The following TRIM36 variants were observed in gnomAD, a reference collection of about 807,000 sequenced individuals.
TRIM36 encodes tripartite motif containing 36.
A neutral mutation model predicts 72.4 loss-of-function variants in TRIM36; 42 were observed. That is an observed-to-expected ratio of 0.58 (90% CI 0.45 to 0.75). TRIM36 has a LOEUF of 0.75. Among genes scored for constraint, TRIM36 ranks in the 30% least tolerant of loss-of-function variants. The pLI, the probability that TRIM36 is intolerant of heterozygous loss-of-function variation, is 0.00. For missense variants in TRIM36, 913 were observed against 857.1 expected, an observed-to-expected ratio of 1.07 and a Z score of -0.81; for synonymous variants, 315 against 282.8, an observed-to-expected ratio of 1.11 and a Z score of -1.14.
In TRIM36 at chr5:115,137,135, A is replaced by G; in HGVS notation, c.1086-11T>C. The G allele has an allele frequency of 6.4e-7, 1 of 1,562,204 alleles. No individual in the cohort carries two copies. On this transcript the variant is annotated splice_polypyrimidine_tract_variant and intron_variant, in intron 6 of 9. Transcript: ENST00000513154. ...GTGGCTTTCTGTATTCTGCAGACAG[A>G]TATTTTATATAAAAATGTTTCTTTA...
At chr5:115,166,153 A>G (rs1356421561) in intron 1 of TRIM36, among the ~76,000 whole-genome samples, 3 of 151,998 alleles carry the variant, frequency 2.0e-5, no homozygotes, top group African/African-American at 7.2e-5. Context: ...CTGAAACCCC[A>G]CCTTCAAGCC....
At chr5:115,164,574 A>AT (rs749873398) in intron 1 of TRIM36, among the ~76,000 whole-genome samples, 7 of 152,178 alleles carry the variant, frequency 4.6e-5, no homozygotes, top group Non-Finnish European at 8.8e-5. Flanking sequence ...TCTTATGAGA[A>AT]TTCGCTATCA....
chr5:115,128,446 AG>A (rs1479860917), intron 9 of TRIM36, among the ~76,000 whole-genome samples: 22 of 151,946 alleles, frequency 1.4e-4, no homozygotes, highest in African/African-American at 5.3e-4. Flanking sequence ...AGAGTTAAAA[AG>A]TTTTTTTAAA....
chr5:115,166,966 G>A (rs115451695), intron 1 of TRIM36, among the ~76,000 whole-genome samples: 1,998 of 152,256 alleles, frequency 0.013, 54 homozygotes, highest in African/African-American at 0.046. Context: ...CCCCGCGCTC[G>A]CTCACTCATG....
At chr5:115,131,040 C>T (rs1752649182) in intron 8 of TRIM36, 151 bp from the exon 9 acceptor site, 1 of 766,800 alleles carries the variant, frequency 1.3e-6, no homozygotes, top group African/African-American at 1.8e-5. Context: ...CAAACCAAAA[C>T]CCAACTTAGC....
intron 2 of TRIM36, among the ~76,000 whole-genome samples, chr5:115,152,393 G>A (rs1472268781): frequency 6.6e-6 from 1 of 152,134 alleles, no homozygotes; most frequent in African/African-American, 2.4e-5. Context: ...CCCACCCTAA[G>A]AATAATCAGT....
At chr5:115,129,381 G>A (rs576279061) in intron 9 of TRIM36, among the ~76,000 whole-genome samples, 1 of 152,186 alleles carries the variant, frequency 6.6e-6, no homozygotes, top group Admixed American at 6.5e-5. Context: ...TGACCAACAT[G>A]GAGAAACCCC....
chr5:115,126,600 T>C lies in TRIM36; in HGVS notation c.2054A>G (p.His685Arg), dbSNP rs145352884. 3.0e-5 allele frequency: 48 copies of C among 1,614,086 alleles called. No individual in the cohort carries two copies. The highest frequency in any genetic ancestry group is 4.0e-5 in the African/African-American group (3 of 74,934). ...TAATGCAAATGCTGGATACAGTGTA[T>C]GTGAACAGTCCACTTGGCGTTCATA... ...CLYERQVDCSHTLYPAFALMG... is the reference protein window; with the variant it reads ...CLYERQVDCSRTLYPAFALMG... Residue 685 changes from histidine (H) to arginine (R), a missense_variant, in exon 10 of 10, where the codon CAT becomes CGT. Coordinates refer to ENST00000513154, the MANE Select transcript of TRIM36 (RefSeq NM_001300759.2).
At chr5:115,145,591 A>G (rs1753547508) in intron 3 of TRIM36, among the ~76,000 whole-genome samples, 2 of 152,074 alleles carry the variant, frequency 1.3e-5, no homozygotes, top group African/African-American at 4.8e-5. Context: ...CAGTGGTGCA[A>G]TCTTGGCTCA....
chr5:115,176,964 A>G (rs975135949), intron 1 of TRIM36, among the ~76,000 whole-genome samples: 11 of 152,382 alleles, frequency 7.2e-5, no homozygotes, highest in Non-Finnish European at 1.5e-4. Flanking sequence ...AAAGGTCACA[A>G]TGGCAGATAT....
intron 1 of TRIM36, among the ~76,000 whole-genome samples, chr5:115,175,673 G>A (rs1321416369): frequency 7.2e-6 from 1 of 138,530 alleles, no homozygotes; most frequent in Non-Finnish European, 1.6e-5. Flanking sequence ...TATCTTTAGC[G>A]CAATATAGTA....
chr5:115,139,844 T>G (rs1352316407), intron 5 of TRIM36, among the ~76,000 whole-genome samples: 1 of 152,208 alleles, frequency 6.6e-6, no homozygotes, highest in East Asian at 1.9e-4. Context: ...ACATGAATAC[T>G]TGACACCTAA....
In TRIM36 at chr5:115,130,629, C is replaced by T; in HGVS notation, c.1759G>A (p.Glu587Lys). 1 of 1,614,176 alleles carries T rather than the reference C, an allele frequency of 6.2e-7. No homozygotes were observed. The change falls in exon 9 of 10, where the codon GAA becomes AAA. Residue 587 changes from glutamate (E) to lysine (K), a missense_variant. Glu to Lys is a moderately conservative substitution (Grantham distance 56, BLOSUM62 1). Transcript: ENST00000513154. ...GCATCCCGGGGAGAACGGAGCCATT[C>T]TTGTAGTTTATCGCTAGAAGCAACT... Reference protein sequence around the residue: ...VGVASSDKLQEWLRSPRDAVS... With the variant: ...VGVASSDKLQKWLRSPRDAVS...
rs1184827970 is a variant in TRIM36 at position 115,126,644 on chromosome 5, C to A, written c.2010G>T (p.Met670Ile). 11 of 1,613,994 alleles carry A rather than the reference C, an allele frequency of 6.8e-6. No homozygotes were observed. The highest frequency in any genetic ancestry group is 9.3e-6 in the Non-Finnish European group (11 of 1,180,014). ...GTTCATAAAGGCATTTCATCTGATCCATATCATAGAAATCTACTTTGCCTT... is the reference window on the plus strand; with the variant it reads ...GTTCATAAAGGCATTTCATCTGATCAATATCATAGAAATCTACTTTGCCTT... ...CDKGKVDFYD[M>I]DQMKCLYERQ... Residue 670 changes from methionine (M) to isoleucine (I), a missense_variant, in exon 10 of 10, where the codon ATG becomes ATT. Coordinates refer to ENST00000513154, the MANE Select transcript of TRIM36 (RefSeq NM_001300759.2).
chr5:115,165,723 G>T (rs1754731420), intron 1 of TRIM36, among the ~76,000 whole-genome samples: 1 of 152,124 alleles, frequency 6.6e-6, no homozygotes, highest in African/African-American at 2.4e-5. Context: ...GGTGCGGAGG[G>T]AGCCCCATGC....
chr5:115,142,257 C>G (rs1753318240), intron 4 of TRIM36, among the ~76,000 whole-genome samples: 4 of 152,038 alleles, frequency 2.6e-5, no homozygotes. Flanking sequence ...AAACACTATT[C>G]CACAGGCTGA....
intron 1 of TRIM36, among the ~76,000 whole-genome samples, chr5:115,176,568 T>C (rs1755349799): frequency 6.6e-6 from 1 of 152,218 alleles, no homozygotes; most frequent in Non-Finnish European, 1.5e-5. Context: ...CGAATGTACC[T>C]TCTGGCTATT....
intron 2 of TRIM36, among the ~76,000 whole-genome samples, chr5:115,158,806 A>T (rs1474997665): frequency 2.0e-5 from 3 of 152,238 alleles, no homozygotes. Context: ...TCTAATTACT[A>T]AATTTCAACA....
chr5:115,135,003 C>T (rs987353949), intron 7 of TRIM36, among the ~76,000 whole-genome samples: 1 of 152,124 alleles, frequency 6.6e-6, no homozygotes, highest in Non-Finnish European at 1.5e-5. Context: ...ATTACTATAA[C>T]CTTTTTGTAT....
Sources: allele counts gnomAD v4.1 joint callset (sites outside exome capture counted in the v4.1 genomes callset), GRCh38; gene constraint gnomAD v4.1.1; transcripts MANE v1.5; gene names NCBI Gene and HGNC (gene_info 2026-07-23, HGNC 2026-07-21).